The following GRID2 variants were observed in gnomAD, a reference collection of about 807,000 sequenced individuals.
The protein encoded by GRID2 is glutamate ionotropic receptor delta type subunit 2.
GRID2 carries 33 observed loss-of-function variants against 114.8 expected under a neutral mutation model. The ratio of observed to expected loss-of-function variants is 0.29; its 90% CI spans 0.22 to 0.38. The LOEUF (loss-of-function observed/expected upper bound fraction) is 0.38. Ranked by LOEUF, GRID2 falls within the 10% of genes least tolerant of loss-of-function variation. GRID2 has a pLI of 1.00. For missense variants in GRID2, 1,184 were observed against 1,257.7 expected, an observed-to-expected ratio of 0.94 and a Z score of 0.89; for synonymous variants, 505 against 449.9, an observed-to-expected ratio of 1.12 and a Z score of -1.55.
chr4:93,319,383 T>C (rs1290843150), intron 8 of GRID2, among the ~76,000 whole-genome samples: 1 of 152,072 alleles, frequency 6.6e-6, no homozygotes, highest in Non-Finnish European at 1.5e-5. Flanking sequence ...TTAATTTAGC[T>C]CAGGAACTCA....
chr4:93,284,190 T>C (rs1752916519), intron 8 of GRID2, among the ~76,000 whole-genome samples: 1 of 152,268 alleles, frequency 6.6e-6, no homozygotes, highest in East Asian at 1.9e-4. Flanking sequence ...CTTGATTCTT[T>C]TGCATCTAAG....
intron 2 of GRID2, among the ~76,000 whole-genome samples, chr4:92,976,637 A>T (rs1190309905): frequency 6.6e-6 from 1 of 152,124 alleles, no homozygotes; most frequent in Admixed American, 6.5e-5. Context: ...GCAATTTAGT[A>T]TCACCAAAGC....
At chr4:93,705,385 C>T (rs545996968) in intron 14 of GRID2, among the ~76,000 whole-genome samples, 2 of 151,216 alleles carry the variant, frequency 1.3e-5, no homozygotes, top group African/African-American at 2.4e-5. Flanking sequence ...GGTTGGAGTG[C>T]AGTGGCTTGA....
At chr4:93,281,677 T>C (rs13123280) in intron 8 of GRID2, among the ~76,000 whole-genome samples, 107,478 of 151,762 alleles carry the variant, frequency 0.71, 39,085 homozygotes, top group African/African-American at 0.86. Context: ...TATAGTTGGC[T>C]GAGTATTTTC....
In GRID2 at chr4:92,841,141, A is replaced by C. The variant is rs549283403; in HGVS notation, c.245-243854A>C. On this transcript the variant is annotated intron_variant, in intron 2 of 15. Transcript: ENST00000282020. The stretch of plus-strand genomic sequence containing the variant: ...CTCATTTAATCTAGGCTGTACTAGT[A>C]ATTGCTTTCACCACATAATAGAACA... Among the ~76,000 whole-genome samples, 204 of 152,150 alleles carry C rather than the reference A, an allele frequency of 1.3e-3. 1 individual carries two copies. Among genetic ancestry groups the C allele is most frequent in the African/African-American group, 4.6e-3 (191 of 41,550 alleles).
intron 1 of GRID2, among the ~76,000 whole-genome samples, chr4:92,515,508 C>A (rs2149135168): frequency 6.6e-6 from 1 of 151,972 alleles, no homozygotes; most frequent in Non-Finnish European, 1.5e-5. Context: ...AGAAGAATCT[C>A]ATTTCCTGGC....
At chr4:93,279,483 T>G (rs2149583121) in intron 8 of GRID2, among the ~76,000 whole-genome samples, 1 of 151,280 alleles carries the variant, frequency 6.6e-6, no homozygotes, top group Middle Eastern at 3.4e-3. Flanking sequence ...TATTGACAGG[T>G]TTTTTTTCAG....
chr4:93,794,456 T>A (rs1198422424), intron 1 of GRID2, among the ~76,000 whole-genome samples: 5 of 152,116 alleles, frequency 3.3e-5, no homozygotes, highest in Non-Finnish European at 7.4e-5. Context: ...CAGAACGACT[T>A]AGGGAAAGGA....
intron 4 of GRID2, among the ~76,000 whole-genome samples, chr4:93,184,391 G>T (rs1000375998): frequency 6.6e-6 from 1 of 151,542 alleles, no homozygotes; most frequent in Non-Finnish European, 1.5e-5. Flanking sequence ...GTTTTGAAGT[G>T]CCTGCTTCTT....
At chr4:92,402,614 A>T (rs1006279912) in intron 1 of GRID2, among the ~76,000 whole-genome samples, 1 of 152,166 alleles carries the variant, frequency 6.6e-6, no homozygotes, top group Admixed American at 6.5e-5. Context: ...TGAGCACCAG[A>T]TCTCAGCAGT....
chr4:93,052,370 G>A (rs978590659), intron 2 of GRID2, among the ~76,000 whole-genome samples: 3 of 151,814 alleles, frequency 2.0e-5, no homozygotes, highest in Non-Finnish European at 2.9e-5. Flanking sequence ...GTTCTGAGAC[G>A]TGCATCTTTA....
At chr4:92,508,360 A>T (rs981777202) in intron 1 of GRID2, among the ~76,000 whole-genome samples, 1 of 151,982 alleles carries the variant, frequency 6.6e-6, no homozygotes, top group Non-Finnish European at 1.5e-5. Context: ...GATAGGACAT[A>T]TTCTATCGGT....
At chr4:93,047,427 G>T (rs746044422) in intron 2 of GRID2, among the ~76,000 whole-genome samples, 2 of 151,940 alleles carry the variant, frequency 1.3e-5, no homozygotes, top group Non-Finnish European at 2.9e-5. Flanking sequence ...AGGATATATG[G>T]GATTTTTCTA....
chr4:93,598,505 T>C (rs935405370), intron 13 of GRID2, among the ~76,000 whole-genome samples: 8 of 152,216 alleles, frequency 5.3e-5, no homozygotes, highest in African/African-American at 1.9e-4. Context: ...ACAAAGAGAA[T>C]AAATGTTAAC....
chr4:93,562,831 T>C (rs973849893), intron 13 of GRID2, among the ~76,000 whole-genome samples: 2 of 152,060 alleles, frequency 1.3e-5, no homozygotes, highest in African/African-American at 4.8e-5. Context: ...TTGTCAAAGA[T>C]CAAATTACTA....
At chr4:93,508,008 T>A (rs1728793877) in intron 12 of GRID2, among the ~76,000 whole-genome samples, 1 of 151,524 alleles carries the variant, frequency 6.6e-6, no homozygotes, top group African/African-American at 2.4e-5. Context: ...GAGACTGCTG[T>A]GGGGTGGGGG....
chr4:92,529,917 C>T (rs539144621), intron 1 of GRID2, among the ~76,000 whole-genome samples: 53 of 152,026 alleles, frequency 3.5e-4, no homozygotes, highest in African/African-American at 1.2e-3. Context: ...AGACAAATCC[C>T]GGCTACAATT....
chr4:92,925,207 TG>T (rs1380269896), intron 2 of GRID2, among the ~76,000 whole-genome samples: 1 of 152,064 alleles, frequency 6.6e-6, no homozygotes, highest in African/African-American at 2.4e-5. Context: ...TTGTGTAATC[TG>T]GGTATTCCTT....
At chr4:93,289,326 C>CT (rs147042816) in intron 8 of GRID2, among the ~76,000 whole-genome samples, 4,954 of 151,932 alleles carry the variant, frequency 0.033, 278 homozygotes, top group African/African-American at 0.11. Context: ...TTTCTCCTGT[C>CT]TTTTTTTTAA....
Sources: allele counts gnomAD v4.1 joint callset (sites outside exome capture counted in the v4.1 genomes callset), GRCh38; gene constraint gnomAD v4.1.1; transcripts MANE v1.5; gene names NCBI Gene and HGNC (gene_info 2026-07-23, HGNC 2026-07-21).